Variants in PNPLA7 observed in about 807,000 individuals in gnomAD.
PNPLA7 encodes patatin like domain 7, lysophospholipase, also known as patatin-like phospholipase domain-containing protein 7.
Under a neutral mutation model 161.7 loss-of-function variants are expected in PNPLA7, and 153 were observed. That is an observed-to-expected ratio of 0.95 (90% confidence interval 0.83 to 1.08). The LOEUF (loss-of-function observed/expected upper bound fraction) is 1.08. Among genes scored for constraint, PNPLA7 ranks in the 50% least tolerant of loss-of-function variants. The pLI is 0.00. For missense variants in PNPLA7, 1,739 were observed against 1,856.6 expected (o/e 0.94, Z 1.16); for synonymous variants, 809 against 782.1 (o/e 1.03, Z -0.57).
At chr9:137,514,140 T>C (rs1834382910) in intron 12 of PNPLA7, among the ~76,000 whole-genome samples, 1 of 145,742 alleles carries the variant, frequency 6.9e-6, no homozygotes, top group African/African-American at 2.6e-5. Context: ...GCCCGGGCCC[T>C]GTGGCTGGGC....
intron 12 of PNPLA7, among the ~76,000 whole-genome samples, chr9:137,513,486 A>AG (rs1310225443): frequency 6.6e-6 from 1 of 152,004 alleles, no homozygotes; most frequent in Non-Finnish European, 1.5e-5. Context: ...CAAAAAAAAA[A>AG]AAAATTAAAA....
intron 25 of PNPLA7, among the ~76,000 whole-genome samples, chr9:137,474,347 G>A (rs1293862828): frequency 1.3e-5 from 2 of 152,310 alleles, no homozygotes; most frequent in East Asian, 1.9e-4. Flanking sequence ...AAAGCGTGGG[G>A]AGGGCACCAT....
chr9:137,542,944 C>T (rs1836288455), intron 6 of PNPLA7, 143 bp from the exon 7 acceptor site: 3 of 769,196 alleles, frequency 3.9e-6, no homozygotes, highest in South Asian at 3.7e-5. Context: ...ACAAACCACA[C>T]AGCATTACTG....
chr9:137,521,620 G>A lies in PNPLA7; in HGVS notation c.957+16C>T, dbSNP rs752106254. The A allele has an allele frequency of 9.3e-6, 15 of 1,611,442 alleles. No homozygotes were observed. Among genetic ancestry groups the A allele is most frequent in the Non-Finnish European group, 1.3e-5 (15 of 1,179,348 alleles). On this transcript the variant is annotated intron_variant, in intron 10 of 34. Coordinates refer to ENST00000406427, the MANE Select transcript of PNPLA7 (RefSeq NM_001098537.3). ...CATGGAGCAGCATGGGGCTTTGTGA[G>A]GTGGTTTTCACTTACAGCGTTGAAG...
At chr9:137,477,804 A>T (rs1318211751) in intron 25 of PNPLA7, among the ~76,000 whole-genome samples, 1 of 152,166 alleles carries the variant, frequency 6.6e-6, no homozygotes, top group African/African-American at 2.4e-5. Context: ...AACTGGCCCT[A>T]ATAAAACCAG....
In PNPLA7 at chr9:137,550,261, C is replaced by G; in HGVS notation, c.-64G>C. 3.2e-6 allele frequency: 5 copies of G among 1,573,352 alleles called. No individual in the cohort carries two copies. The highest frequency in any genetic ancestry group is 4.4e-6 in the Non-Finnish European group (5 of 1,144,156). On this transcript the variant is annotated 5_prime_UTR_variant, in exon 1 of 35. Transcript: ENST00000406427. Reference sequence around the variant, plus strand: ...ACAGCCTGAAGCAAACAAGGGCACACCTCTACCCGCTCATGCTCACACCTG... The same window carrying G: ...ACAGCCTGAAGCAAACAAGGGCACAGCTCTACCCGCTCATGCTCACACCTG...
intron 24 of PNPLA7, 83 bp downstream of exon 24, chr9:137,478,973 G>T: frequency 7.0e-7 from 1 of 1,430,952 alleles, no homozygotes; most frequent in East Asian, 2.6e-5. Flanking sequence ...AGGGAATCAG[G>T]TGGGGAATGT....
intron 12 of PNPLA7, among the ~76,000 whole-genome samples, chr9:137,506,347 G>A (rs1032930965): frequency 6.6e-6 from 1 of 152,182 alleles, no homozygotes; most frequent in Non-Finnish European, 1.5e-5. Flanking sequence ...AGGTAGCCCG[G>A]TCGGTACCTA....
chr9:137,500,937 C>G lies in PNPLA7; in HGVS notation c.1552-41G>C. ...GCTCAGGAGGCGCCGCGAGTGGCCGCGGGCAGGACGGGGGCAGCTCTGGGC... is the reference window on the plus strand; with the variant it reads ...GCTCAGGAGGCGCCGCGAGTGGCCGGGGGCAGGACGGGGGCAGCTCTGGGC... On this transcript the variant is annotated intron_variant, in intron 15 of 34. Transcript: ENST00000406427. The surrounding 1 kb of genome is among the most constrained non-coding windows in gnomAD (Gnocchi z 5.5). The G allele has an allele frequency of 6.6e-7, 1 of 1,521,494 alleles. No homozygotes were observed. Among genetic ancestry groups the G allele is most frequent in the Non-Finnish European group, 8.8e-7 (1 of 1,134,638 alleles). The allele number at this position is 1,521,494 out of a possible 1,614,324, so 94.2% of individuals were successfully genotyped here. A position where few individuals can be genotyped will look rare whatever the true frequency, so the allele number is the denominator to read the frequency against.
intron 19 of PNPLA7, 98 bp from the exon 20 acceptor site, chr9:137,493,180 T>C: frequency 6.3e-6 from 8 of 1,266,138 alleles, no homozygotes; most frequent in Admixed American, 3.5e-5. Flanking sequence ...ACTCAGCCAA[T>C]GGCGCTGGAT....
rs1324700194 is a variant in PNPLA7 at position 137,550,390 on chromosome 9, G to A, written c.-193C>T. On this transcript the variant is annotated 5_prime_UTR_variant, in exon 1 of 35. Transcript: ENST00000406427. ...AGGAAGAAAAGCTGTCTTTTGAGAA[G>A]TGTCTGTCATCTGCTAGGAGCCACC... is the stretch of plus-strand genomic sequence containing the variant. The A allele has an allele frequency of 2.4e-5, 16 of 664,558 alleles. No homozygotes were observed. The highest frequency in any genetic ancestry group is 5.4e-5 in the African/African-American group (3 of 55,310). The allele number at this position is 664,558 out of a possible 1,614,324, so 41.2% of individuals were successfully genotyped here. A position where few individuals can be genotyped will look rare whatever the true frequency, so the allele number is the denominator to read the frequency against.
At chr9:137,479,846 C>G in intron 23 of PNPLA7, 1 of 985,434 alleles carries the variant, frequency 1.0e-6, no homozygotes, top group Non-Finnish European at 1.2e-6. Flanking sequence ...CCCGAAGGTG[C>G]CTGCAGAAGG....
intron 14 of PNPLA7, among the ~76,000 whole-genome samples, chr9:137,503,106 G>T (rs1833588578): frequency 1.3e-5 from 2 of 152,052 alleles, no homozygotes; most frequent in South Asian, 2.1e-4. Flanking sequence ...GACTGGCTGG[G>T]TACAGTGGCT....
At chr9:137,519,681 A>ACGTGTGAGGGGACCTGAGG (rs1834886206) in intron 11 of PNPLA7, among the ~76,000 whole-genome samples, 1 of 149,048 alleles carries the variant, frequency 6.7e-6, no homozygotes, top group African/African-American at 2.5e-5. Context: ...GACCTGGGGC[A>ACGTGTGAGGGGACCTGAGG]CGTGTGAGGG....
chr9:137,477,661 T>A (rs1030515686), intron 25 of PNPLA7, among the ~76,000 whole-genome samples: 3 of 152,164 alleles, frequency 2.0e-5, no homozygotes, highest in Non-Finnish European at 2.9e-5. Context: ...GCCAGGATGG[T>A]CTCAATCTCT....
intron 8 of PNPLA7, among the ~76,000 whole-genome samples, chr9:137,526,078 T>TC (rs1435833149): frequency 8.6e-5 from 13 of 151,980 alleles, no homozygotes; most frequent in Admixed American, 2.0e-4. Context: ...TATATCATCA[T>TC]ATCTATATTC....
rs1385483380 is a variant in PNPLA7, at chr9:137,550,275, T to G, written c.-78A>C. The G allele has an allele frequency of 1.3e-6, 2 of 1,483,446 alleles. No homozygotes were observed. Among genetic ancestry groups the G allele is most frequent in the East Asian group, 2.3e-5 (1 of 44,266 alleles). The allele number at this position is 1,483,446 out of a possible 1,614,324, so 91.9% of individuals were successfully genotyped here. ...ACAAGGGCACACCTCTACCCGCTCA[T>G]GCTCACACCTGGACACTTTTCCCTG... On this transcript the variant is annotated 5_prime_UTR_variant, in exon 1 of 35. It removes an upstream start codon present in the reference 5' UTR. Coordinates refer to ENST00000406427, the MANE Select transcript of PNPLA7 (RefSeq NM_001098537.3).
chr9:137,529,273 G>A (rs779844326), intron 8 of PNPLA7, among the ~76,000 whole-genome samples: 23 of 152,236 alleles, frequency 1.5e-4, no homozygotes, highest in African/African-American at 5.1e-4. Context: ...GGGATTACAG[G>A]TGTGAGTCAC....
At chr9:137,475,512 C>T (rs1564288867) in intron 25 of PNPLA7, among the ~76,000 whole-genome samples, 1 of 152,098 alleles carries the variant, frequency 6.6e-6, no homozygotes, top group Non-Finnish European at 1.5e-5. Context: ...GTAGCTGCGA[C>T]TACAGGCGCC....
Sources: allele counts gnomAD v4.1 joint callset (sites outside exome capture counted in the v4.1 genomes callset), GRCh38; gene constraint gnomAD v4.1.1; non-coding constraint Gnocchi (gnomAD v3.1); transcripts MANE v1.5; gene names NCBI Gene and HGNC (gene_info 2026-07-23, HGNC 2026-07-21).